USP34: variants seen among roughly 807,000 people sequenced by gnomAD.
The protein encoded by USP34 is ubiquitin carboxyl-terminal hydrolase 34.
A neutral mutation model predicts 460.3 loss-of-function variants in USP34; 70 were observed. The observed-to-expected ratio is 0.15, with a 90% CI of 0.13 to 0.19. The LOEUF is 0.19. Ranked by LOEUF, USP34 falls within the 10% of genes least tolerant of loss-of-function variation. The pLI is 1.00. For missense variants in USP34, 3,985 were observed against 4,236.2 expected, an observed-to-expected ratio of 0.94 and a Z score of 1.65; for synonymous variants, 1,647 against 1,405.3, an observed-to-expected ratio of 1.17 and a Z score of -3.85.
At chr2:61,262,888 A>C (rs985649621) in intron 43 of USP34, among the ~76,000 whole-genome samples, 2 of 152,144 alleles carry the variant, frequency 1.3e-5, no homozygotes, top group Non-Finnish European at 2.9e-5. Flanking sequence ...GACTGGTTTG[A>C]GATGTTATCT....
At chr2:61,205,859 G>T (rs1261421136) in intron 72 of USP34, among the ~76,000 whole-genome samples, 158 bp downstream of exon 72, 1 of 152,168 alleles carries the variant, frequency 6.6e-6, no homozygotes, top group Non-Finnish European at 1.5e-5. Context: ...AGCCAGTTAA[G>T]AAATTTTCTT....
At chr2:61,190,108 C>G in intron 78 of USP34, 163 bp downstream of exon 78, 2 of 835,094 alleles carry the variant, frequency 2.4e-6, no homozygotes, top group South Asian at 4.1e-5. Context: ...TGTGTACATA[C>G]AAGGCATAGT....
chr2:61,290,280 A>G (rs1437886369), intron 33 of USP34, among the ~76,000 whole-genome samples: 1 of 152,150 alleles, frequency 6.6e-6, no homozygotes, highest in Non-Finnish European at 1.5e-5. Flanking sequence ...ACAGTTTGGC[A>G]TCTTCTTATA....
intron 16 of USP34, 144 bp downstream of exon 16, chr2:61,343,670 GA>G (rs878881066): frequency 0.013 from 7,705 of 576,286 alleles, 3 homozygotes; most frequent in South Asian, 0.024. Context: ...TCCCTTGGGG[GA>G]AAAAAAAAAA....
chr2:61,405,051 C>T (rs1221146454), intron 3 of USP34, among the ~76,000 whole-genome samples: 1 of 151,458 alleles, frequency 6.6e-6, no homozygotes, highest in Non-Finnish European at 1.5e-5. Context: ...CACGGTGAAA[C>T]CCCGTCTCTA....
At position 61,325,363 on chromosome 2, in the gene USP34, T is replaced by TA; in HGVS notation, c.3013+11dup. On this transcript the variant is annotated intron_variant, in intron 21 of 79. Transcript: ENST00000398571. ...AAACAGATTTTTAAAAAGTACTGAT[T>TA]AAAAAACTTACTGAAATGATCAGGT... 6.5e-7 allele frequency: 1 copy of TA among 1,528,472 alleles called. No homozygotes were observed. Among genetic ancestry groups the TA allele is most frequent in the East Asian group, 2.4e-5 (1 of 41,018 alleles). The allele number at this position is 1,528,472 out of a possible 1,614,324, so 94.7% of individuals were successfully genotyped here.
chr2:61,319,263 A>G lies in USP34; in HGVS notation c.3078T>C (p.Asp1026=). The change falls in exon 22 of 80, where the codon GAT becomes GAC. Residue 1026 remains aspartate (D), a synonymous_variant. Coordinates refer to ENST00000398571, the MANE Select transcript of USP34 (RefSeq NM_014709.4). ...GATTTAAAAACCAATGGAGTGCATC[A>G]TCATAACATTCAGAATCTTCTACTA... ...HCLVEDSECY[D]DALHWFLNQV... is the part of the protein sequence containing the mutation. The G allele has an allele frequency of 6.3e-7, 1 of 1,596,616 alleles. No individual in the cohort carries two copies. Among genetic ancestry groups the G allele is most frequent in the Non-Finnish European group, 8.5e-7 (1 of 1,174,902 alleles).
chr2:61,463,934 C>T (rs1406425589), intron 1 of USP34, among the ~76,000 whole-genome samples: 1 of 152,090 alleles, frequency 6.6e-6, no homozygotes, highest in East Asian at 1.9e-4. Context: ...TTCTCTAAAC[C>T]TTAGTTCCCT....
At chr2:61,457,970 T>C (rs1695486019) in intron 1 of USP34, among the ~76,000 whole-genome samples, 1 of 152,110 alleles carries the variant, frequency 6.6e-6, no homozygotes, top group South Asian at 2.1e-4. Context: ...AAACACCACA[T>C]CTAGCCTACC....
intron 61 of USP34, 68 bp downstream of exon 61, chr2:61,228,577 A>G (rs1176796632): frequency 6.9e-6 from 10 of 1,441,114 alleles, no homozygotes; most frequent in Non-Finnish European, 9.5e-6. Context: ...ACATCTCAGG[A>G]CTTCGCACGA....
chr2:61,283,573 GT>G, intron 35 of USP34, 124 bp from the exon 36 acceptor site: 4 of 821,594 alleles, frequency 4.9e-6, no homozygotes, highest in African/African-American at 2.1e-5. Context: ...CAGTGGGTGT[GT>G]GAGTGAGAGT....
rs796884887 is a variant in USP34, at chr2:61,392,294, G to A, written c.753+2559C>T. On this transcript the variant is annotated intron_variant, in intron 5 of 79. Coordinates refer to ENST00000398571, the MANE Select transcript of USP34 (RefSeq NM_014709.4). Reference sequence around the variant, plus strand: ...AAGGCTGCAGTCAGCTGCTACTACCGCACAGCAGAACTCTCTCTCAAAAAC... The same window carrying A: ...AAGGCTGCAGTCAGCTGCTACTACCACACAGCAGAACTCTCTCTCAAAAAC... 4.6e-5 allele frequency among the ~76,000 whole-genome samples: 7 copies of A among 152,156 alleles called. 1 individual carries two copies. The highest frequency in any genetic ancestry group is 1.7e-4 in the African/African-American group (7 of 41,526).
intron 27 of USP34, among the ~76,000 whole-genome samples, chr2:61,305,908 T>C (rs989276276): frequency 6.6e-6 from 1 of 152,214 alleles, no homozygotes; most frequent in Non-Finnish European, 1.5e-5. Context: ...TGTCTGTTCA[T>C]ATCCTTTGCC....
intron 42 of USP34, 113 bp downstream of exon 42, chr2:61,265,871 C>A: frequency 9.9e-7 from 1 of 1,012,888 alleles, no homozygotes; most frequent in Non-Finnish European, 1.3e-6. Flanking sequence ...TACCAATAAT[C>A]ATTTATAATG....
At chr2:61,300,001 C>G (rs1053344609) in intron 29 of USP34, among the ~76,000 whole-genome samples, 2 of 152,106 alleles carry the variant, frequency 1.3e-5, no homozygotes, top group African/African-American at 4.8e-5. Context: ...CTCCTAAAAC[C>G]CAAACCACCA....
At position 61,188,092 on chromosome 2, in the gene USP34, A is replaced by T. The variant is rs1170984009; in HGVS notation, c.*10T>A. On this transcript the variant is annotated 3_prime_UTR_variant, in exon 80 of 80. Coordinates refer to ENST00000398571, the MANE Select transcript of USP34 (RefSeq NM_014709.4). ...TGAGGGACTTAAAAGTAGACATGCT[A>T]CACCTAATGTCAAGAAGCAGCTTGG... 6 of 1,607,320 alleles carry T rather than the reference A, an allele frequency of 3.7e-6. No individual in the cohort carries two copies. Among genetic ancestry groups the T allele is most frequent in the Non-Finnish European group, 4.3e-6 (5 of 1,176,456 alleles).
rs374124815 is a variant in USP34, at chr2:61,229,473, A to AC, written c.7199+74_7199+75insG. On this transcript the variant is annotated intron_variant, in intron 59 of 79. Transcript: ENST00000398571. ...CCTATCTCTTAAAAAAAAAAAAAAA[A>AC]AACAAAAAAAAAAAACAAAAACACC... The AC allele has an allele frequency of 6.5e-3, 4,181 of 644,180 alleles. 8 individuals carry two copies. The highest frequency in any genetic ancestry group is 7.7e-3 in the Non-Finnish European group (3,517 of 454,148). The allele number at this position is 644,180 out of a possible 1,614,324, so 39.9% of individuals were successfully genotyped here.
chr2:61,311,502 G>C (rs1332868815), intron 27 of USP34, 38 bp downstream of exon 27: 8 of 1,507,510 alleles, frequency 5.3e-6, no homozygotes, highest in East Asian at 4.8e-5. Context: ...GAAAGAAAGA[G>C]AGAAAGAGAA....
At chr2:61,363,448 G>T (rs1222472697) in intron 10 of USP34, among the ~76,000 whole-genome samples, 2 of 152,182 alleles carry the variant, frequency 1.3e-5, no homozygotes, top group African/African-American at 4.8e-5. Flanking sequence ...AAAGATGGTA[G>T]AGTCTACTAC....
Sources: allele counts gnomAD v4.1 joint callset (sites outside exome capture counted in the v4.1 genomes callset), GRCh38; gene constraint gnomAD v4.1.1; transcripts MANE v1.5; gene names NCBI Gene and HGNC (gene_info 2026-07-23, HGNC 2026-07-21).